The following UGGT2 variants were observed in gnomAD, a reference collection of about 807,000 sequenced individuals.
UGGT2 encodes UDP-glucose glycoprotein glucosyltransferase 2.
UGGT2 carries 180 observed loss-of-function variants against 192.1 expected under a neutral mutation model. The ratio of observed to expected loss-of-function variants is 0.94; its 90% CI spans 0.83 to 1.06. The LOEUF (loss-of-function observed/expected upper bound fraction) is 1.06, where lower values mean the gene tolerates loss of function less well. Ranked by LOEUF, UGGT2 falls within the 50% of genes least tolerant of loss-of-function variation. The pLI is 0.00. For missense variants in UGGT2, 1,849 were observed against 1,795.7 expected (o/e 1.03, Z -0.54); for synonymous variants, 580 against 591.0 (o/e 0.98, Z 0.27).
intron 12 of UGGT2, among the ~76,000 whole-genome samples, chr13:95,959,291 T>C (rs2050313240): frequency 6.6e-6 from 1 of 152,116 alleles, no homozygotes; most frequent in Admixed American, 6.5e-5. Flanking sequence ...GAGCAAAGCA[T>C]GCCCCAGCCA....
intron 12 of UGGT2, among the ~76,000 whole-genome samples, chr13:95,958,187 T>A (rs1234070703): frequency 6.6e-6 from 1 of 152,106 alleles, no homozygotes; most frequent in Non-Finnish European, 1.5e-5. Flanking sequence ...AGTCTTGCTC[T>A]GTCGCCCAGG....
intron 27 of UGGT2, among the ~76,000 whole-genome samples, chr13:95,881,084 G>A (rs899944075): frequency 2.6e-5 from 4 of 152,192 alleles, no homozygotes; most frequent in Non-Finnish European, 5.9e-5. Flanking sequence ...TGGGACAGGA[G>A]AATGGCATGA....
At chr13:95,922,970 A>C (rs1179320850) in intron 20 of UGGT2, among the ~76,000 whole-genome samples, 4 of 152,230 alleles carry the variant, frequency 2.6e-5, no homozygotes, top group Admixed American at 2.0e-4. Context: ...AAAACTATGA[A>C]AATTAACAGC....
intron 37 of UGGT2, among the ~76,000 whole-genome samples, chr13:95,836,454 G>A (rs1388639308): frequency 6.6e-6 from 1 of 152,138 alleles, no homozygotes; most frequent in South Asian, 2.1e-4. Context: ...GCTCCTCGCT[G>A]GCATCTGGGA....
chr13:96,051,952 A>G (rs1017280567), intron 1 of UGGT2, among the ~76,000 whole-genome samples: 3 of 152,222 alleles, frequency 2.0e-5, no homozygotes, highest in African/African-American at 7.2e-5. Flanking sequence ...TAGATCTACC[A>G]TTTGATCCAG....
At position 95,948,098 on chromosome 13, in the gene UGGT2, A is replaced by G; in HGVS notation, c.1456-17T>C. 1 of 1,589,982 alleles carries G rather than the reference A, an allele frequency of 6.3e-7. No individual in the cohort carries two copies. The highest frequency in any genetic ancestry group is 1.1e-5 in the South Asian group (1 of 89,712). On this transcript the variant is annotated splice_polypyrimidine_tract_variant and intron_variant, in intron 13 of 38. Coordinates refer to ENST00000376747, the MANE Select transcript of UGGT2 (RefSeq NM_020121.4). ...AAACAGAACCTAAAAGAAAGATAGTATATATCACTATTTCAACACCTTAGA... is the reference window on the plus strand; with the variant it reads ...AAACAGAACCTAAAAGAAAGATAGTGTATATCACTATTTCAACACCTTAGA...
Position 95,924,393 on chromosome 13 carries a change from C to CTTTTTTTTTTTTTTTTTTTTTTTTT in UGGT2, c.2295+1262_2295+1286dup, listed in dbSNP as rs59757283. ...AATAGATGTAATAGATCCCAAACAG[C>CTTTTTTTTTTTTTTTTTTTTTTTTT]TTTTTTTTTTTTTTTTTTTTTTTTT... On this transcript the variant is annotated intron_variant, in intron 20 of 38. Transcript: ENST00000376747. 5.7e-4 allele frequency among the ~76,000 whole-genome samples: 36 copies of CTTTTTTTTTTTTTTTTTTTTTTTTT among 63,360 alleles called. 1 individual carries two copies. Among genetic ancestry groups the CTTTTTTTTTTTTTTTTTTTTTTTTT allele is most frequent in the Non-Finnish European group, 8.8e-4 (28 of 31,674 alleles). 41.6% of individuals were successfully genotyped at this position (63,360 alleles called of 152,430 possible).
At chr13:95,861,505 C>T (rs1173594159) in intron 31 of UGGT2, among the ~76,000 whole-genome samples, 1 of 152,014 alleles carries the variant, frequency 6.6e-6, no homozygotes, top group Non-Finnish European at 1.5e-5. Context: ...CTGGGCCCAG[C>T]TGTCATTTTC....
At chr13:95,851,117 C>T (rs1187935400) in intron 36 of UGGT2, among the ~76,000 whole-genome samples, 2 of 152,188 alleles carry the variant, frequency 1.3e-5, no homozygotes, top group Non-Finnish European at 2.9e-5. Flanking sequence ...CCTGAGAGTA[C>T]TTCCTAATAA....
intron 38 of UGGT2, among the ~76,000 whole-genome samples, chr13:95,831,653 T>C (rs1454175920): frequency 8.5e-5 from 13 of 152,106 alleles, no homozygotes; most frequent in Admixed American, 8.5e-4. Flanking sequence ...AATTTTAAGT[T>C]TTTATACATA....
rs749133106 is a variant in UGGT2, at chr13:95,948,100, A to G, written c.1456-19T>C. 4.4e-6 allele frequency: 7 copies of G among 1,590,216 alleles called. No individual in the cohort carries two copies. The highest frequency in any genetic ancestry group is 2.7e-5 in the African/African-American group (2 of 74,264). ...ACAGAACCTAAAAGAAAGATAGTAT[A>G]TATCACTATTTCAACACCTTAGAAT... On this transcript the variant is annotated intron_variant, in intron 13 of 38. Coordinates refer to ENST00000376747, the MANE Select transcript of UGGT2 (RefSeq NM_020121.4).
intron 17 of UGGT2, among the ~76,000 whole-genome samples, chr13:95,935,952 G>A (rs992650059): frequency 4.6e-5 from 7 of 151,982 alleles, no homozygotes; most frequent in African/African-American, 9.7e-5. Flanking sequence ...TCAGCCTTTC[G>A]AGCAGCTGGG....
chr13:96,042,245 A>G (rs1051528310), intron 1 of UGGT2, among the ~76,000 whole-genome samples: 5 of 152,136 alleles, frequency 3.3e-5, no homozygotes, highest in Non-Finnish European at 7.4e-5. Flanking sequence ...TGTTAGACCT[A>G]CTAGGTGGCT....
chr13:95,915,651 T>A (rs2048658152), intron 20 of UGGT2, among the ~76,000 whole-genome samples: 2 of 152,262 alleles, frequency 1.3e-5, no homozygotes, highest in Admixed American at 1.3e-4. Flanking sequence ...GGGACAGGGC[T>A]TCCGGGGGAG....
intron 36 of UGGT2, among the ~76,000 whole-genome samples, chr13:95,844,201 A>C (rs1288776595): frequency 6.6e-6 from 1 of 152,190 alleles, no homozygotes; most frequent in African/African-American, 2.4e-5. Flanking sequence ...ACCTCAAGTG[A>C]TCCACCTGCC....
chr13:95,852,655 A>G lies in UGGT2; in HGVS notation c.4284+888T>C, dbSNP rs182333957. Among the ~76,000 whole-genome samples the G allele has an allele frequency of 9.3e-4, 141 of 152,364 alleles. 1 individual carries two copies. The highest frequency in any genetic ancestry group is 8.4e-3 in the Admixed American group (129 of 15,306). The stretch of plus-strand genomic sequence containing the variant: ...ATGAACATGCATGGTTGTGATAAAA[A>G]TAAGAAAAAAGAGTCTTTTGCTTCT... On this transcript the variant is annotated intron_variant, in intron 36 of 38. Transcript: ENST00000376747.
At position 95,856,150 on chromosome 13, in the gene UGGT2, C is replaced by A; in HGVS notation, c.4008+8G>T. ...CGTATTACTAAAAATAGTAGTTAACCTTATTACCTGGTCAGCATCAACAAA... is the reference window on the plus strand; with the variant it reads ...CGTATTACTAAAAATAGTAGTTAACATTATTACCTGGTCAGCATCAACAAA... On this transcript the variant is annotated splice_region_variant and intron_variant, in intron 34 of 38. Coordinates refer to ENST00000376747, the MANE Select transcript of UGGT2 (RefSeq NM_020121.4). The A allele has an allele frequency of 6.2e-7, 1 of 1,602,890 alleles. No individual in the cohort carries two copies. Among genetic ancestry groups the A allele is most frequent in the South Asian group, 1.1e-5 (1 of 89,320 alleles).
chr13:95,951,951 A>C (rs9516629), intron 12 of UGGT2, among the ~76,000 whole-genome samples: 45,230 of 151,778 alleles, frequency 0.3, 7,343 homozygotes, highest in Admixed American at 0.37. Flanking sequence ...CCAACTACTC[A>C]GGAGGCTGAG....
At chr13:95,832,871 T>G in intron 38 of UGGT2, 56 bp downstream of exon 38, 7 of 1,598,432 alleles carry the variant, frequency 4.4e-6, no homozygotes, top group Non-Finnish European at 6.0e-6. Context: ...TGTAGTCTAT[T>G]CTAATCTCAT....
Sources: gnomAD v4.1 joint callset for allele counts (sites outside exome capture counted in the v4.1 genomes callset) on GRCh38, gnomAD v4.1.1 for gene constraint, MANE v1.5 for transcripts, NCBI Gene and HGNC (gene_info 2026-07-23, HGNC 2026-07-21) for gene names.